ABLIM1: variants seen among roughly 807,000 people sequenced by gnomAD.
ABLIM1 encodes actin-binding LIM protein 1.
A neutral mutation model predicts 107.0 loss-of-function variants in ABLIM1; 40 were observed. The ratio of observed to expected loss-of-function variants is 0.37; its 90% CI spans 0.29 to 0.49. The LOEUF is 0.49. Ranked by LOEUF, ABLIM1 falls within the 20% of genes least tolerant of loss-of-function variation. The pLI is 0.97. For synonymous variants in ABLIM1, 357 were observed against 357.3 expected (o/e 1.00, Z 0.01); for missense variants, 857 against 1,008.5 (o/e 0.85, Z 2.04).
chr10:114,682,227 GTA>G (rs1476924919), intron 1 of ABLIM1, among the ~76,000 whole-genome samples: 6 of 152,152 alleles, frequency 3.9e-5, no homozygotes, highest in African/African-American at 1.4e-4. Context: ...CTAGCTCTAA[GTA>G]TATCCTTTAG....
chr10:114,526,933 C>T, intron 6 of ABLIM1: 1 of 985,490 alleles, frequency 1.0e-6, no homozygotes, highest in Non-Finnish European at 1.2e-6. Flanking sequence ...CCTCGCTTTA[C>T]TTACTAGTTC....
At chr10:114,544,778 A>G (rs1392466188) in intron 6 of ABLIM1, among the ~76,000 whole-genome samples, 1 of 152,048 alleles carries the variant, frequency 6.6e-6, no homozygotes, top group African/African-American at 2.4e-5. Flanking sequence ...CAGAACCTTT[A>G]TCATTCTTTT....
At chr10:114,731,566 T>C (rs1297823176) in intron 1 of ABLIM1, among the ~76,000 whole-genome samples, 1 of 151,362 alleles carries the variant, frequency 6.6e-6, no homozygotes, top group African/African-American at 2.4e-5. Context: ...GGTTCAAACC[T>C]TGGCTCACTG....
intron 6 of ABLIM1, among the ~76,000 whole-genome samples, chr10:114,541,899 AAC>A (rs66907896): frequency 0.59 from 88,008 of 150,394 alleles, 26,693 homozygotes; most frequent in African/African-American, 0.76. Flanking sequence ...GAAGGGAATC[AAC>A]ACACACACAC....
intron 1 of ABLIM1, among the ~76,000 whole-genome samples, chr10:114,683,686 C>A (rs1460019942): frequency 2.0e-5 from 3 of 152,148 alleles, no homozygotes; most frequent in Non-Finnish European, 2.9e-5. Flanking sequence ...CTTAAGGGGT[C>A]CAGTATCAAA....
At chr10:114,546,061 G>T (rs1359298757) in intron 5 of ABLIM1, among the ~76,000 whole-genome samples, 1 of 151,880 alleles carries the variant, frequency 6.6e-6, no homozygotes, top group Non-Finnish European at 1.5e-5. Context: ...CACCTCCTCA[G>T]CTCTCAGGAG....
At chr10:114,764,837 C>A (rs2082846582) in intron 1 of ABLIM1, 1 of 152,254 alleles carries the variant, frequency 6.6e-6, no homozygotes, top group South Asian at 2.1e-4. Context: ...TGGGAAATGT[C>A]CTGCGCAGGC....
intron 1 of ABLIM1, among the ~76,000 whole-genome samples, chr10:114,690,929 G>A (rs1331260374): frequency 1.3e-5 from 2 of 152,176 alleles, no homozygotes; most frequent in Admixed American, 1.3e-4. Context: ...TGATCCTCCT[G>A]CCTTGGTCTC....
chr10:114,794,769 T>G, the ABLIM1 span, among the ~76,000 whole-genome samples: 1 of 152,212 alleles, frequency 6.6e-6, no homozygotes, highest in Non-Finnish European at 1.5e-5. Context: ...GTCAAGGAAG[T>G]GAAAATTGTC....
At chr10:114,744,112 T>C (rs1256307341) in intron 1 of ABLIM1, among the ~76,000 whole-genome samples, 2 of 152,204 alleles carry the variant, frequency 1.3e-5, no homozygotes, top group Non-Finnish European at 2.9e-5. Context: ...GTTGGTGTTA[T>C]ATCACAGGCC....
At chr10:114,546,071 G>A (rs2067303783) in intron 5 of ABLIM1, among the ~76,000 whole-genome samples, 1 of 151,952 alleles carries the variant, frequency 6.6e-6, no homozygotes. Context: ...GCTCTCAGGA[G>A]GCCTCCGGAG....
intron 5 of ABLIM1, 61 bp downstream of exon 5, chr10:114,547,589 G>A: frequency 6.2e-7 from 1 of 1,601,878 alleles, no homozygotes; most frequent in Non-Finnish European, 8.5e-7. Flanking sequence ...ACCAGGACCT[G>A]CAGAAGAACC....
At chr10:114,656,004 C>T (rs1367756012) in intron 1 of ABLIM1, among the ~76,000 whole-genome samples, 1 of 152,156 alleles carries the variant, frequency 6.6e-6, no homozygotes, top group Non-Finnish European at 1.5e-5. Context: ...GGCGCGGTGG[C>T]TCATGCCTAT....
rs1481303819 is a variant in ABLIM1 at position 114,517,238 on chromosome 10, G to GC, written c.895-25361dup. ...AGAAGGCCATCCTGGATTCAGGTGGGCCCTGAATCCAATGACAAGTCTTTA... is the reference window on the plus strand; with the variant it reads ...AGAAGGCCATCCTGGATTCAGGTGGGCCCCTGAATCCAATGACAAGTCTTTA... On this transcript the variant is annotated intron_variant, in intron 6 of 22. Coordinates refer to ENST00000533213, the MANE Select transcript of ABLIM1 (RefSeq NM_002313.7). Among the ~76,000 whole-genome samples, 120 of 152,230 alleles carry GC rather than the reference G, an allele frequency of 7.9e-4. 1 individual carries two copies. Among genetic ancestry groups the GC allele is most frequent in the Non-Finnish European group, 3.2e-4 (22 of 68,006 alleles).
At chr10:114,746,016 C>T (rs927360700) in intron 1 of ABLIM1, among the ~76,000 whole-genome samples, 15 of 152,072 alleles carry the variant, frequency 9.9e-5, no homozygotes, top group Non-Finnish European at 1.5e-5. Context: ...TTATTGGGTA[C>T]TATGTGGTGT....
intron 1 of ABLIM1, among the ~76,000 whole-genome samples, chr10:114,620,142 A>G (rs1166376785): frequency 1.3e-5 from 2 of 152,230 alleles, no homozygotes; most frequent in Admixed American, 1.3e-4. Context: ...TGGGTCTTGA[A>G]CCACTGGAAC....
At position 114,658,041 on chromosome 10, in the gene ABLIM1, G is replaced by C; in HGVS notation, c.160C>G (p.Arg54Gly). The change falls in exon 1 of 23, where the codon CGT (arginine) becomes GGT (glycine). Residue 54 changes from arginine (R) to glycine (G), a missense_variant. Physicochemically the swap from Arg to Gly is moderately radical, Grantham distance 125. Coordinates refer to ENST00000533213, the MANE Select transcript of ABLIM1 (RefSeq NM_002313.7). ...VSGTSFTAHR[R>G]ATITHLLYLC... The stretch of plus-strand genomic sequence containing the variant: ...TACAGCAAATGAGTGATAGTGGCAC[G>C]CCTATGAGCGGTGAAGGAGGTCCCA... 1.1e-5 allele frequency: 17 copies of C among 1,614,162 alleles called. 1 individual carries two copies. In the Middle Eastern group the frequency reaches 2.8e-3, roughly 266 times the overall value.
Position 114,468,380 on chromosome 10 carries a change from T to C in ABLIM1, c.1276-164A>G, listed in dbSNP as rs565554492. 2.0e-5 allele frequency: 12 copies of C among 599,310 alleles called. No individual in the cohort carries two copies. In the African/African-American group the frequency reaches 2.2e-4, roughly 11 times the overall value. 37.1% of individuals were successfully genotyped at this position (599,310 alleles called of 1,614,324 possible). ...ATCTCCGCCTCCCAGGTTCAAGCGA[T>C]TCTCCTGCCTCAGCCTCCCAAGTAG... On this transcript the variant is annotated intron_variant, in intron 10 of 22. Coordinates refer to ENST00000533213, the MANE Select transcript of ABLIM1 (RefSeq NM_002313.7).
intron 6 of ABLIM1, 136 bp from the exon 7 acceptor site, chr10:114,492,014 T>G: frequency 1.5e-6 from 1 of 658,676 alleles, no homozygotes; most frequent in African/African-American, 1.8e-5. Context: ...CCAAACTTCC[T>G]ACACCAACAG....
Sources: gnomAD v4.1 joint callset for allele counts (sites outside exome capture counted in the v4.1 genomes callset) on GRCh38, gnomAD v4.1.1 for gene constraint, MANE v1.5 for transcripts, NCBI Gene and HGNC (gene_info 2026-07-23, HGNC 2026-07-21) for gene names.